Variants in PPP2R5E observed in about 807,000 individuals in gnomAD.
PPP2R5E encodes the protein serine/threonine-protein phosphatase 2A 56 kDa regulatory subunit epsilon isoform.
In PPP2R5E, 4 loss-of-function variants were observed where a neutral mutation model predicts 65.3. The ratio of observed to expected loss-of-function variants is 0.06; its 90% CI spans 0.03 to 0.14. The LOEUF (loss-of-function observed/expected upper bound fraction) is 0.14. Ranked by LOEUF, PPP2R5E falls within the 10% of genes least tolerant of loss-of-function variation. The probability of loss-of-function intolerance (pLI) is 1.00; values close to 1 mark genes in which losing one functional copy is unlikely to be tolerated. For missense variants in PPP2R5E, 274 were observed against 556.1 expected (o/e 0.49, Z 5.10); for synonymous variants, 183 against 187.4 (o/e 0.98, Z 0.19).
intron 5 of PPP2R5E, among the ~76,000 whole-genome samples, chr14:63,397,993 T>G (rs535995293): frequency 6.6e-6 from 1 of 152,270 alleles, no homozygotes; most frequent in East Asian, 1.9e-4. Flanking sequence ...CCTCCCAAAG[T>G]GCTGGGATTA....
intron 5 of PPP2R5E, among the ~76,000 whole-genome samples, chr14:63,412,250 G>A (rs1028519779): frequency 6.6e-6 from 1 of 152,200 alleles, no homozygotes; most frequent in Non-Finnish European, 1.5e-5. Context: ...CCCAATCTGG[G>A]CAACATAGCA....
At chr14:63,495,970 C>T (rs1448963854) in intron 2 of PPP2R5E, among the ~76,000 whole-genome samples, 5 of 152,238 alleles carry the variant, frequency 3.3e-5, no homozygotes, top group South Asian at 2.1e-4. Flanking sequence ...GGATTACAGG[C>T]GTGAGCCACC....
Position 63,375,994 on chromosome 14 carries a change from T to C in PPP2R5E, c.*15A>G, listed in dbSNP as rs1345169414. On this transcript the variant is annotated 3_prime_UTR_variant, in exon 14 of 14. Transcript: ENST00000337537. ...GTGACTCCACAGGTTAGTAATGTTG[T>C]TGTCATTGTTTTTGTTAAGTTGGAA... 2.6e-6 allele frequency: 4 copies of C among 1,525,378 alleles called. No homozygotes were observed. Among genetic ancestry groups the C allele is most frequent in the Non-Finnish European group, 3.6e-6 (4 of 1,100,670 alleles). 94.5% of individuals were successfully genotyped at this position (1,525,378 alleles called of 1,614,324 possible). A position where few individuals can be genotyped will look rare whatever the true frequency, so the allele number is the denominator to read the frequency against.
chr14:63,520,644 A>C (rs1026306424), intron 2 of PPP2R5E, among the ~76,000 whole-genome samples: 9 of 152,242 alleles, frequency 5.9e-5, no homozygotes, highest in Admixed American at 2.0e-4. Flanking sequence ...TGAGAATTTA[A>C]GGCCCTTGGA....
At position 63,422,109 on chromosome 14, in the gene PPP2R5E, G is replaced by A; in HGVS notation, c.355-15C>T. 2 of 1,595,166 alleles carry A rather than the reference G, an allele frequency of 1.3e-6. No individual in the cohort carries two copies. Among genetic ancestry groups the A allele is most frequent in the Non-Finnish European group, 1.7e-6 (2 of 1,163,148 alleles). On this transcript the variant is annotated splice_polypyrimidine_tract_variant and intron_variant, in intron 3 of 13. Transcript: ENST00000337537. ...TTGCAAGATACCTAAAAATAAACAAGCAGCAGAGTTAACGGGAAGCACCTT... is the reference window on the plus strand; with the variant it reads ...TTGCAAGATACCTAAAAATAAACAAACAGCAGAGTTAACGGGAAGCACCTT...
chr14:63,516,007 G>A (rs773755954), intron 2 of PPP2R5E, among the ~76,000 whole-genome samples: 8 of 150,776 alleles, frequency 5.3e-5, no homozygotes, highest in South Asian at 4.2e-4. Context: ...CCGCCACCAC[G>A]CCTGGCTAGT....
At chr14:63,495,261 G>GT (rs1034313007) in intron 2 of PPP2R5E, among the ~76,000 whole-genome samples, 20 of 149,592 alleles carry the variant, frequency 1.3e-4, no homozygotes, top group African/African-American at 4.2e-4. Flanking sequence ...AAAGAGTACA[G>GT]TACTATTTTT....
intron 3 of PPP2R5E, among the ~76,000 whole-genome samples, chr14:63,425,251 A>G (rs1262873091): frequency 6.6e-6 from 1 of 152,228 alleles, no homozygotes; most frequent in East Asian, 1.9e-4. Context: ...TGTCCCTTCC[A>G]GTGATTACTA....
At chr14:63,530,232 T>TTG (rs1566765537) in intron 2 of PPP2R5E, among the ~76,000 whole-genome samples, 1 of 145,218 alleles carries the variant, frequency 6.9e-6, no homozygotes, top group African/African-American at 2.6e-5. Flanking sequence ...TTCCGTTTTT[T>TTG]TTTTTTTTTT....
chr14:63,497,789 A>G (rs76109901), intron 2 of PPP2R5E, among the ~76,000 whole-genome samples: 2 of 152,180 alleles, frequency 1.3e-5, no homozygotes, highest in East Asian at 3.9e-4. Flanking sequence ...AACACAAAAA[A>G]CACATGAACC....
At chr14:63,402,789 T>C (rs373682151) in intron 5 of PPP2R5E, among the ~76,000 whole-genome samples, 11 of 151,588 alleles carry the variant, frequency 7.3e-5, no homozygotes, top group African/African-American at 2.7e-4. Context: ...CAGAAAGACA[T>C]GGAGACAGAA....
At chr14:63,484,033 G>A (rs1003397911) in intron 2 of PPP2R5E, among the ~76,000 whole-genome samples, 6 of 149,754 alleles carry the variant, frequency 4.0e-5, no homozygotes, top group South Asian at 2.1e-4. Context: ...GCAGTAAGCC[G>A]AGATCACACC....
chr14:63,379,857 CAG>C (rs1221485087), intron 13 of PPP2R5E, among the ~76,000 whole-genome samples: 10 of 88,534 alleles, frequency 1.1e-4, no homozygotes, highest in Admixed American at 1.7e-4. Flanking sequence ...TTTTTTGAGA[CAG>C]AGTCTCACTC....
chr14:63,400,783 C>T (rs1406136232), intron 5 of PPP2R5E, among the ~76,000 whole-genome samples: 3 of 150,302 alleles, frequency 2.0e-5, no homozygotes, highest in Admixed American at 2.0e-4. Flanking sequence ...TCCACCTACC[C>T]AATCCACCCA....
chr14:63,492,321 C>T (rs535287717), intron 2 of PPP2R5E, among the ~76,000 whole-genome samples: 9 of 152,170 alleles, frequency 5.9e-5, no homozygotes, highest in African/African-American at 1.2e-4. Context: ...AGACTTTCTG[C>T]ACCAAGCAGC....
intron 2 of PPP2R5E, among the ~76,000 whole-genome samples, chr14:63,532,713 G>A (rs1024696081): frequency 1.3e-5 from 2 of 152,152 alleles, no homozygotes; most frequent in Non-Finnish European, 2.9e-5. Context: ...AGCAGTTAAC[G>A]CATTTGTCCA....
At chr14:63,381,528 G>A (rs1476727627) in intron 13 of PPP2R5E, among the ~76,000 whole-genome samples, 1 of 70,466 alleles carries the variant, frequency 1.4e-5, no homozygotes, top group Non-Finnish European at 2.8e-5. Flanking sequence ...AGAAAGGAAA[G>A]AAAGCGGGCT....
At chr14:63,447,195 G>A (rs1888528113) in intron 3 of PPP2R5E, among the ~76,000 whole-genome samples, 1 of 152,224 alleles carries the variant, frequency 6.6e-6, no homozygotes, top group Admixed American at 6.5e-5. Flanking sequence ...CTTTGGCACT[G>A]ATTTCTCCTC....
At chr14:63,539,842 T>G in intron 1 of PPP2R5E, 150 bp from the exon 2 acceptor site, 1 of 857,484 alleles carries the variant, frequency 1.2e-6, no homozygotes, top group Non-Finnish European at 1.7e-6. Context: ...AAGTCTTATC[T>G]TGGCCAGGTG....
Sources: gnomAD v4.1 joint callset for allele counts (sites outside exome capture counted in the v4.1 genomes callset) on GRCh38, gnomAD v4.1.1 for gene constraint, MANE v1.5 for transcripts, NCBI Gene and HGNC (gene_info 2026-07-23, HGNC 2026-07-21) for gene names.